NCAM2: variants seen among roughly 807,000 people sequenced by gnomAD.
NCAM2 encodes neural cell adhesion molecule 2, also known as N-CAM-2.
NCAM2 carries 30 observed loss-of-function variants against 98.1 expected under a neutral mutation model. That is an observed-to-expected ratio of 0.31 (90% CI 0.23 to 0.41). The LOEUF (loss-of-function observed/expected upper bound fraction) is 0.41, where lower values mean the gene tolerates loss of function less well. Among genes scored for constraint, NCAM2 ranks in the 10% least tolerant of loss-of-function variants. NCAM2 has a pLI of 1.00. For missense variants in NCAM2, 867 were observed against 1,005.8 expected, an observed-to-expected ratio of 0.86 and a Z score of 1.87; for synonymous variants, 368 against 342.4, an observed-to-expected ratio of 1.07 and a Z score of -0.83.
At chr21:21,457,003 T>C (rs1385040827) in intron 12 of NCAM2, among the ~76,000 whole-genome samples, 2 of 152,164 alleles carry the variant, frequency 1.3e-5, no homozygotes, top group Non-Finnish European at 2.9e-5. Context: ...TGTCTAAATG[T>C]AATAAGCCAG....
intron 1 of NCAM2, among the ~76,000 whole-genome samples, chr21:21,108,257 A>C (rs2146516325): frequency 6.6e-6 from 1 of 152,150 alleles, no homozygotes; most frequent in South Asian, 2.1e-4. Context: ...ATTAAAATGT[A>C]CTGTGTGCCA....
At chr21:21,399,015 G>A (rs1008319029) in intron 9 of NCAM2, among the ~76,000 whole-genome samples, 2 of 152,166 alleles carry the variant, frequency 1.3e-5, no homozygotes, top group Admixed American at 6.6e-5. Flanking sequence ...TTTTGGTTAA[G>A]GGCAGGGAGG....
At chr21:21,306,163 T>C (rs2073873585) in intron 5 of NCAM2, among the ~76,000 whole-genome samples, 1 of 152,118 alleles carries the variant, frequency 6.6e-6, no homozygotes, top group African/African-American at 2.4e-5. Context: ...TGTATTTTGT[T>C]GATGTTGGTT....
At chr21:21,438,711 A>G (rs1978768183) in intron 12 of NCAM2, among the ~76,000 whole-genome samples, 1 of 152,182 alleles carries the variant, frequency 6.6e-6, no homozygotes, top group Admixed American at 6.5e-5. Flanking sequence ...TGGCCACTTA[A>G]TGAAGAGAAA....
intron 1 of NCAM2, among the ~76,000 whole-genome samples, chr21:21,176,481 T>C (rs910210437): frequency 1.3e-5 from 2 of 152,168 alleles, no homozygotes; most frequent in Non-Finnish European, 2.9e-5. Context: ...AACAAATTCT[T>C]GCCTAGTATC....
chr21:21,498,321 T>C (rs1987389949), intron 15 of NCAM2, among the ~76,000 whole-genome samples: 1 of 152,164 alleles, frequency 6.6e-6, no homozygotes, highest in Non-Finnish European at 1.5e-5. Context: ...TCATAGAATT[T>C]ATCTCTTAAA....
chr21:21,377,672 A>T (rs1003060347), intron 9 of NCAM2, among the ~76,000 whole-genome samples: 2 of 151,926 alleles, frequency 1.3e-5, no homozygotes, highest in African/African-American at 4.8e-5. Flanking sequence ...CATGTCCATT[A>T]CCTCACCTAC....
chr21:21,393,393 T>A (rs988343500), intron 9 of NCAM2, among the ~76,000 whole-genome samples: 11 of 152,170 alleles, frequency 7.2e-5, no homozygotes, highest in African/African-American at 2.7e-4. Flanking sequence ...ATAAAATGTT[T>A]AATTTCTATG....
intron 1 of NCAM2, among the ~76,000 whole-genome samples, chr21:21,158,652 A>T (rs187643840): frequency 6.6e-6 from 1 of 151,908 alleles, no homozygotes; most frequent in South Asian, 2.1e-4. Flanking sequence ...AAATATTTAT[A>T]TCACTTAGTG....
chr21:21,490,848 T>C (rs1986792559), intron 15 of NCAM2, among the ~76,000 whole-genome samples: 1 of 151,912 alleles, frequency 6.6e-6, no homozygotes, highest in Admixed American at 6.6e-5. Context: ...TATCATCTTA[T>C]TTAAAACCCT....
chr21:21,451,279 A>G (rs895973220), intron 12 of NCAM2, among the ~76,000 whole-genome samples: 1 of 152,182 alleles, frequency 6.6e-6, no homozygotes, highest in African/African-American at 2.4e-5. Context: ...AAACATCTAT[A>G]AATTATCAAC....
At chr21:21,312,318 T>G (rs183277750) in intron 5 of NCAM2, among the ~76,000 whole-genome samples, 28 of 151,590 alleles carry the variant, frequency 1.8e-4, no homozygotes. Flanking sequence ...TTGATTAATA[T>G]GCTTAATATA....
chr21:21,025,633 T>TCCC (rs2064529926), intron 1 of NCAM2, among the ~76,000 whole-genome samples: 1 of 152,172 alleles, frequency 6.6e-6, no homozygotes, highest in Non-Finnish European at 1.5e-5. Flanking sequence ...TTCTCCTATG[T>TCCC]ACCCAGGAAT....
Position 21,035,340 on chromosome 21 carries a change from A to G in NCAM2, c.55+36722A>G, listed in dbSNP as rs564766658. Among the ~76,000 whole-genome samples, 4 of 152,320 alleles carry G rather than the reference A, an allele frequency of 2.6e-5. No individual in the cohort carries two copies. The South Asian group carries it at 8.3e-4, about 32-fold the overall frequency. ...CAAATAACTATACTGCCATAAAATA[A>G]GAATACTCATGGATAGTTATTGAAT... On this transcript the variant is annotated intron_variant, in intron 1 of 17. Transcript: ENST00000400546.
chr21:21,256,796 C>A (rs528206123), intron 1 of NCAM2, among the ~76,000 whole-genome samples: 2 of 152,170 alleles, frequency 1.3e-5, no homozygotes, highest in Non-Finnish European at 2.9e-5. Context: ...TGTGTTGGAA[C>A]CTCCTGTGAT....
chr21:21,136,259 T>G (rs2067047439), intron 1 of NCAM2, among the ~76,000 whole-genome samples: 1 of 152,156 alleles, frequency 6.6e-6, no homozygotes, highest in Admixed American at 6.5e-5. Context: ...TGTAAATAGC[T>G]AGAGGAAGTC....
intron 5 of NCAM2, among the ~76,000 whole-genome samples, chr21:21,316,183 A>G (rs527889642): frequency 6.6e-6 from 1 of 152,340 alleles, no homozygotes; most frequent in Non-Finnish European, 1.5e-5. Context: ...ATAGGGGAGA[A>G]AAATGAAAGT....
At chr21:21,305,091 G>A (rs368293974) in intron 5 of NCAM2, among the ~76,000 whole-genome samples, 1 of 152,100 alleles carries the variant, frequency 6.6e-6, no homozygotes, top group African/African-American at 2.4e-5. Flanking sequence ...GCCAAGGCAG[G>A]TGGATCACCT....
At chr21:21,084,593 CAATTT>C (rs1432248882) in intron 1 of NCAM2, among the ~76,000 whole-genome samples, 3 of 152,078 alleles carry the variant, frequency 2.0e-5, no homozygotes, top group Admixed American at 2.0e-4. Context: ...AAGTTTCTTC[CAATTT>C]GAGATTGCTG....
Sources: allele counts gnomAD v4.1 joint callset (sites outside exome capture counted in the v4.1 genomes callset), GRCh38; gene constraint gnomAD v4.1.1; transcripts MANE v1.5; gene names NCBI Gene and HGNC (gene_info 2026-07-23, HGNC 2026-07-21).